The following KANSL1 variants were observed in gnomAD, a reference collection of about 807,000 sequenced individuals.
KANSL1 encodes KAT8 regulatory NSL complex subunit 1, also known as MLL1/MLL complex subunit KANSL1.
KANSL1 carries 22 observed loss-of-function variants against 103.6 expected under a neutral mutation model. The ratio of observed to expected loss-of-function variants is 0.21; its 90% CI spans 0.15 to 0.30. The LOEUF is 0.30. Ranked by LOEUF, KANSL1 falls within the 10% of genes least tolerant of loss-of-function variation. The probability of loss-of-function intolerance (pLI) is 1.00; values close to 1 mark genes in which losing one functional copy is unlikely to be tolerated. For missense variants in KANSL1, 1,337 were observed against 1,399.8 expected (o/e 0.96, Z 0.72); for synonymous variants, 600 against 527.6 (o/e 1.14, Z -1.88).
chr17:46,089,353 A>C (rs1165228640), intron 3 of KANSL1, among the ~76,000 whole-genome samples: 1 of 152,114 alleles, frequency 6.6e-6, no homozygotes, highest in Non-Finnish European at 1.5e-5. Flanking sequence ...ACAGAACAGA[A>C]ACTGGTGTCT....
In KANSL1 at chr17:46,117,349, T is replaced by A. The variant is rs187298045; in HGVS notation, c.1290-22648A>T. On this transcript the variant is annotated intron_variant, in intron 2 of 14. Transcript: ENST00000432791. ...CTGCCAGACTTATGGGTGAAGAAAC[T>A]ATCTCACAAATTTGTGTATGGACTC... Among the ~76,000 whole-genome samples the A allele has an allele frequency of 2.4e-4, 37 of 152,374 alleles. No individual in the cohort carries two copies. The East Asian group carries it at 6.4e-3, about 26-fold the overall frequency.
intron 3 of KANSL1, among the ~76,000 whole-genome samples, chr17:46,087,975 G>C (rs773277846): frequency 7.2e-5 from 11 of 152,316 alleles, no homozygotes; most frequent in Non-Finnish European, 1.6e-4. Flanking sequence ...CCATTAGCCT[G>C]GTGGCAATAA....
intron 2 of KANSL1, among the ~76,000 whole-genome samples, chr17:46,111,659 C>T (rs908696153): frequency 6.6e-6 from 1 of 152,192 alleles, no homozygotes. Flanking sequence ...TCCAAGTATA[C>T]ATGGCAACGT....
intron 2 of KANSL1, among the ~76,000 whole-genome samples, chr17:46,118,814 A>C (rs1189688073): frequency 6.6e-6 from 1 of 152,194 alleles, no homozygotes; most frequent in Non-Finnish European, 1.5e-5. Flanking sequence ...CCTCTATCAG[A>C]GGTGGAAAAC....
At chr17:46,119,628 C>T (rs2043197616) in intron 2 of KANSL1, among the ~76,000 whole-genome samples, 1 of 151,124 alleles carries the variant, frequency 6.6e-6, no homozygotes, top group South Asian at 2.1e-4. Flanking sequence ...ATTTTAACCA[C>T]TACACTTCAT....
chr17:46,140,442 C>G (rs944736202), intron 2 of KANSL1, among the ~76,000 whole-genome samples: 4 of 151,986 alleles, frequency 2.6e-5, no homozygotes, highest in Non-Finnish European at 5.9e-5. Context: ...AGCATTGAAA[C>G]TCCTGGAAAA....
intron 8 of KANSL1, 109 bp from the exon 9 acceptor site, chr17:46,039,324 C>T (rs147648380): frequency 1.8e-5 from 18 of 1,001,736 alleles, no homozygotes; most frequent in Non-Finnish European, 2.4e-5. Flanking sequence ...ATACCCAGGG[C>T]AGCAGGACAG....
intron 7 of KANSL1, 154 bp downstream of exon 7, chr17:46,050,379 A>T: frequency 2.9e-6 from 2 of 683,562 alleles, no homozygotes; most frequent in Non-Finnish European, 4.9e-6. Context: ...TGGATCTGTT[A>T]CAGTCTTTTT....
intron 2 of KANSL1, among the ~76,000 whole-genome samples, chr17:46,119,230 A>G (rs2147172036): frequency 1.3e-5 from 2 of 152,320 alleles, no homozygotes; most frequent in South Asian, 4.1e-4. Flanking sequence ...GTCATTTGTC[A>G]AGGGGTTAGG....
At chr17:46,092,442 C>T (rs9904280) in intron 3 of KANSL1, among the ~76,000 whole-genome samples, 6,959 of 152,096 alleles carry the variant, frequency 0.046, 449 homozygotes, top group African/African-American at 0.15. Context: ...CTGAAGAATG[C>T]ATTAAGAACA....
intron 1 of KANSL1, among the ~76,000 whole-genome samples, chr17:46,189,646 G>A (rs2047211632): frequency 6.6e-6 from 1 of 152,154 alleles, no homozygotes; most frequent in South Asian, 2.1e-4. Context: ...ACTTCTGGGA[G>A]GCCGAGGCAG....
At position 46,213,462 on chromosome 17, in the gene KANSL1, G is replaced by A. The variant is rs989220046; in HGVS notation, c.-90+10209C>T. On this transcript the variant is annotated intron_variant, in intron 1 of 14. Transcript: ENST00000572904. Reference sequence around the variant, plus strand: ...ACTACAGGCACCCAACACCACGCCCGGCTAATTTTTTTTTTTTTTTTTTTT... The same window carrying A: ...ACTACAGGCACCCAACACCACGCCCAGCTAATTTTTTTTTTTTTTTTTTTT... Among the ~76,000 whole-genome samples, 38 of 150,336 alleles carry A rather than the reference G, an allele frequency of 2.5e-4. 1 individual carries two copies. Among genetic ancestry groups the A allele is most frequent in the African/African-American group, 6.8e-4 (28 of 41,220 alleles).
At chr17:46,142,559 C>T (rs535384737) in intron 2 of KANSL1, among the ~76,000 whole-genome samples, 27 of 152,268 alleles carry the variant, frequency 1.8e-4, no homozygotes, top group Non-Finnish European at 2.9e-4. Flanking sequence ...CAGCAAGCTA[C>T]GACTATGCCA....
chr17:46,142,478 G>A (rs1368489412), intron 2 of KANSL1, among the ~76,000 whole-genome samples: 1 of 152,052 alleles, frequency 6.6e-6, no homozygotes, highest in Non-Finnish European at 1.5e-5. Context: ...TTTAATAAGG[G>A]GGGCATAAGG....
intron 1 of KANSL1, chr17:46,192,354 G>C (rs996653965): frequency 6.6e-6 from 1 of 150,740 alleles, no homozygotes; most frequent in Admixed American, 6.6e-5. Context: ...ATCTGAAAAC[G>C]TAAGTGACCT....
At chr17:46,048,407 A>T (rs2077590034) in intron 7 of KANSL1, among the ~76,000 whole-genome samples, 4 of 151,866 alleles carry the variant, frequency 2.6e-5, no homozygotes, top group African/African-American at 9.7e-5. Context: ...ATCTCTACTA[A>T]AAATACAAAA....
At chr17:46,093,209 A>G (rs1207957592) in intron 3 of KANSL1, 6 of 152,266 alleles carry the variant, frequency 3.9e-5, no homozygotes, top group Non-Finnish European at 8.8e-5. Flanking sequence ...CAGTACAGGC[A>G]TATCCAGTCA....
rs186121099 is a variant in KANSL1 at position 46,099,533 on chromosome 17, G to T, written c.1290-4832C>A. ...CTTCAGGAAAGAACACAGGACTAAG[G>T]TTGCAGAATAATACTTTAAATACAA... is the stretch of plus-strand genomic sequence containing the variant. On this transcript the variant is annotated intron_variant, in intron 2 of 14. Transcript: ENST00000432791. Among the ~76,000 whole-genome samples the T allele has an allele frequency of 2.2e-4, 34 of 152,264 alleles. No homozygotes were observed. In the East Asian group the frequency reaches 4.4e-3, roughly 20 times the overall value.
chr17:46,068,238 G>A (rs767774189), intron 4 of KANSL1, among the ~76,000 whole-genome samples: 1 of 152,134 alleles, frequency 6.6e-6, no homozygotes. Flanking sequence ...TATGCTAGAA[G>A]CTTGTTTTCT....
Sources: gnomAD v4.1 joint callset for allele counts (sites outside exome capture counted in the v4.1 genomes callset) on GRCh38, gnomAD v4.1.1 for gene constraint, MANE v1.5 for transcripts, NCBI Gene and HGNC (gene_info 2026-07-23, HGNC 2026-07-21) for gene names.